The following ASIC2 variants were observed in gnomAD, a reference collection of about 807,000 sequenced individuals.
ASIC2 encodes acid-sensing ion channel 2.
ASIC2 carries 25 observed loss-of-function variants against 57.3 expected under a neutral mutation model. The ratio of observed to expected loss-of-function variants is 0.44; its 90% CI spans 0.32 to 0.61. The LOEUF (loss-of-function observed/expected upper bound fraction) is 0.61. Ranked by LOEUF, ASIC2 falls within the 20% of genes least tolerant of loss-of-function variation. ASIC2 has a pLI of 0.06. For missense variants in ASIC2, 641 were observed against 738.1 expected, an observed-to-expected ratio of 0.87 and a Z score of 1.52; for synonymous variants, 319 against 307.5, an observed-to-expected ratio of 1.04 and a Z score of -0.39.
intron 1 of ASIC2, among the ~76,000 whole-genome samples, chr17:33,209,312 C>T (rs2142086114): frequency 1.3e-5 from 2 of 152,244 alleles, no homozygotes; most frequent in East Asian, 3.9e-4. Context: ...TTTTTGTCAA[C>T]TTATGAGCAA....
intron 1 of ASIC2, among the ~76,000 whole-genome samples, chr17:33,216,731 G>T (rs1262280324): frequency 6.6e-6 from 1 of 152,234 alleles, no homozygotes; most frequent in Non-Finnish European, 1.5e-5. Context: ...CATTTTATTT[G>T]AAAGGTGATG....
rs142966791 is a variant in ASIC2 at position 33,697,944 on chromosome 17, C to T, written c.555+458034G>A. Among the ~76,000 whole-genome samples the T allele has an allele frequency of 4.2e-3, 640 of 152,184 alleles. 1 individual carries two copies. Among genetic ancestry groups the T allele is most frequent in the Non-Finnish European group, 7.2e-3 (489 of 68,020 alleles). On this transcript the variant is annotated intron_variant, in intron 1 of 9. Coordinates refer to the ASIC2 transcript ENST00000359872. ...GCTTGATTATTTTGGTTGTACTGCA[C>T]GTTGTAGATAGATGCACATAGTAGG...
At chr17:33,408,832 C>T (rs1375930517) in intron 1 of ASIC2, among the ~76,000 whole-genome samples, 1 of 152,120 alleles carries the variant, frequency 6.6e-6, no homozygotes, top group African/African-American at 2.4e-5. Context: ...CGAGGGGAGC[C>T]ACAGAGTGAG....
chr17:33,934,602 G>A (rs1916017562), intron 1 of ASIC2, among the ~76,000 whole-genome samples: 1 of 152,172 alleles, frequency 6.6e-6, no homozygotes, highest in Admixed American at 6.5e-5. Context: ...GGACACCCTG[G>A]AGGAGGCAAG....
intron 1 of ASIC2, among the ~76,000 whole-genome samples, chr17:33,731,027 C>T (rs1215843626): frequency 1.3e-5 from 2 of 152,210 alleles, no homozygotes; most frequent in Non-Finnish European, 2.9e-5. Flanking sequence ...ACCTACTCCA[C>T]CTCAGAATGG....
Position 33,205,835 on chromosome 17 carries a change from G to A in ASIC2, c.708+85573C>T, listed in dbSNP as rs1338091931. The stretch of plus-strand genomic sequence containing the variant: ...CTTGGCATACGGTTCCCATGCTGGT[G>A]GTAGCAGGAGATAATTTGATTGGGC... On this transcript the variant is annotated intron_variant, in intron 1 of 9. Coordinates refer to ENST00000225823, the MANE Select transcript of ASIC2 (RefSeq NM_183377.2). Among the ~76,000 whole-genome samples, 3 of 152,206 alleles carry A rather than the reference G, an allele frequency of 2.0e-5. No individual in the cohort carries two copies. In the East Asian group the frequency reaches 5.8e-4, roughly 29 times the overall value.
chr17:33,145,800 T>C (rs1351132464), intron 1 of ASIC2, among the ~76,000 whole-genome samples: 1 of 152,160 alleles, frequency 6.6e-6, no homozygotes, highest in Non-Finnish European at 1.5e-5. Context: ...CATGACCAAA[T>C]AGTCAACCTG....
intron 1 of ASIC2, among the ~76,000 whole-genome samples, chr17:33,477,480 T>C (rs774661478): frequency 1.9e-4 from 29 of 152,234 alleles, no homozygotes; most frequent in Non-Finnish European, 4.1e-4. Flanking sequence ...CTTCATAGTA[T>C]AAATGAAGGC....
At chr17:33,350,220 C>T (rs140431582) in intron 1 of ASIC2, among the ~76,000 whole-genome samples, 5 of 152,258 alleles carry the variant, frequency 3.3e-5, no homozygotes, top group South Asian at 2.1e-4. Flanking sequence ...CATCTTAGGT[C>T]GGTGTGGCAT....
chr17:33,781,938 C>T (rs984965782), intron 1 of ASIC2, among the ~76,000 whole-genome samples: 6 of 152,172 alleles, frequency 3.9e-5, no homozygotes, highest in Non-Finnish European at 8.8e-5. Context: ...CAGCTCAAGC[C>T]ACCGGTGGCT....
chr17:33,374,259 A>G (rs1909194525), intron 1 of ASIC2, among the ~76,000 whole-genome samples: 1 of 152,094 alleles, frequency 6.6e-6, no homozygotes, highest in African/African-American at 2.4e-5. Context: ...CACCTCTCAA[A>G]GTGCTGGGAT....
intron 1 of ASIC2, among the ~76,000 whole-genome samples, chr17:33,462,796 C>T (rs926141300): frequency 1.3e-5 from 2 of 152,160 alleles, no homozygotes; most frequent in Non-Finnish European, 1.5e-5. Context: ...AACTTTGAGC[C>T]CCAGTGAATG....
chr17:33,896,679 A>C (rs535992902), intron 1 of ASIC2, among the ~76,000 whole-genome samples: 1 of 152,352 alleles, frequency 6.6e-6, no homozygotes, highest in Admixed American at 6.5e-5. Flanking sequence ...CAACCTCACC[A>C]TGACAGAGTC....
intron 1 of ASIC2, among the ~76,000 whole-genome samples, chr17:33,511,345 A>T (rs1465232370): frequency 6.6e-6 from 1 of 151,924 alleles, no homozygotes; most frequent in Non-Finnish European, 1.5e-5. Flanking sequence ...ACACACACCC[A>T]TGTTCTTGGA....
chr17:33,092,373 A>C (rs2092161088), intron 2 of ASIC2, among the ~76,000 whole-genome samples: 1 of 152,238 alleles, frequency 6.6e-6, no homozygotes, highest in African/African-American at 2.4e-5. Flanking sequence ...ATTGAGTTGA[A>C]GACCCAACTT....
intron 1 of ASIC2, chr17:34,005,520 T>C (rs1006415059): frequency 2.7e-5 from 4 of 146,418 alleles, no homozygotes; most frequent in African/African-American, 1.1e-4. Context: ...CCACTTCTAG[T>C]TCCCCCCGCC....
At chr17:33,258,160 C>A (rs1225464790) in intron 1 of ASIC2, among the ~76,000 whole-genome samples, 1 of 152,206 alleles carries the variant, frequency 6.6e-6, no homozygotes, top group Non-Finnish European at 1.5e-5. Context: ...TCACAGCATT[C>A]ATTACGTGAA....
chr17:33,554,164 T>A (rs1156668156), intron 1 of ASIC2, among the ~76,000 whole-genome samples: 1 of 152,210 alleles, frequency 6.6e-6, no homozygotes, highest in East Asian at 1.9e-4. Context: ...CTGCCTTGGA[T>A]GGTTTCCTAT....
intron 1 of ASIC2, among the ~76,000 whole-genome samples, chr17:33,425,841 T>G (rs1238737146): frequency 1.3e-5 from 2 of 152,110 alleles, no homozygotes; most frequent in African/African-American, 4.8e-5. Context: ...AGAAAATGTG[T>G]GGGTGACTCC....
Sources: allele counts gnomAD v4.1 joint callset (sites outside exome capture counted in the v4.1 genomes callset), GRCh38; gene constraint gnomAD v4.1.1; transcripts MANE v1.5; gene names NCBI Gene and HGNC (gene_info 2026-07-23, HGNC 2026-07-21).